The following CLN5 variants were observed in gnomAD, a reference collection of about 807,000 sequenced individuals.
CLN5 encodes the protein bis(monoacylglycero)phosphate synthase CLN5.
Under a neutral mutation model 36.7 loss-of-function variants are expected in CLN5, and 34 were observed. The observed-to-expected ratio is 0.93, with a 90% CI of 0.71 to 1.23. The LOEUF (loss-of-function observed/expected upper bound fraction) is 1.23. Among genes scored for constraint, CLN5 ranks in the 50% most tolerant of loss-of-function variants. The pLI, the probability that CLN5 is intolerant of heterozygous loss-of-function variation, is 0.00. For synonymous variants in CLN5, 151 were observed against 155.1 expected, an observed-to-expected ratio of 0.97 and a Z score of 0.20; for missense variants, 427 against 439.4, an observed-to-expected ratio of 0.97 and a Z score of 0.25.
chr13:77,000,780 ACC>A lies in CLN5; in HGVS notation c.889_890del (p.Pro297ThrfsTer5). The A allele has an allele frequency of 6.2e-7, 1 of 1,613,486 alleles. No homozygotes were observed. The highest frequency in any genetic ancestry group is 1.1e-5 in the South Asian group (1 of 90,834). Reference protein sequence around the residue: ...AIKRFYYPFKPHLPTKEFLLS... With the variant: ...AIKRFYYPFKXHLPTKEFLLS... Reference sequence around the variant, plus strand: ...TAAAAAGATTTTATTACCCCTTCAAACCACATTTGCCAACTAAAGAATTTCTG... The same window carrying A: ...TAAAAAGATTTTATTACCCCTTCAAAACATTTGCCAACTAAAGAATTTCTG... On this transcript the variant is annotated frameshift_variant, in exon 4 of 4. Coordinates refer to ENST00000377453, the MANE Select transcript of CLN5 (RefSeq NM_006493.4). LOFTEE classifies it high-confidence loss of function.
rs35210630 is a variant in CLN5 at position 76,992,484 on chromosome 13, G to A, written c.173+213G>A. The A allele has an allele frequency of 6.2e-3, 3,670 of 594,150 alleles. 67 individuals are homozygous for A. Among genetic ancestry groups the A allele is most frequent in the African/African-American group, 0.05 (2,572 of 51,162 alleles). The allele number at this position is 594,150 out of a possible 1,614,324, so 36.8% of individuals were successfully genotyped here. A position where few individuals can be genotyped will look rare whatever the true frequency, so the allele number is the denominator to read the frequency against. On this transcript the variant is annotated intron_variant, in intron 1 of 3. Coordinates refer to ENST00000377453, the MANE Select transcript of CLN5 (RefSeq NM_006493.4). ...GTTACGTGCAGCCCTGGGACCTTTC[G>A]TCCCCTCTGGTCACTTGCGGCAGAC... is the stretch of plus-strand genomic sequence containing the variant.
chr13:76,997,132 C>G (rs9530618), intron 3 of CLN5: 1,764 of 150,178 alleles, frequency 0.012, 17 homozygotes, highest in Admixed American at 0.025. Flanking sequence ...CCACCCCCAC[C>G]CCGCCTTTTT....
At position 77,002,684 on chromosome 13, in the gene CLN5, A is replaced by G. The variant is rs2034383692; in HGVS notation, c.*1715A>G. 6.6e-6 allele frequency: 1 copy of G among 152,060 alleles called. No individual in the cohort carries two copies. The highest frequency in any genetic ancestry group is 1.9e-4 in the East Asian group (1 of 5,198). 9.4% of individuals were successfully genotyped at this position (152,060 alleles called of 1,614,324 possible). On this transcript the variant is annotated 3_prime_UTR_variant, in exon 4 of 4. Coordinates refer to ENST00000377453, the MANE Select transcript of CLN5 (RefSeq NM_006493.4). ...GCCTCCTTTAGCCTGTCGACTCCTT[A>G]TAATAATGCCTAAATATTCCAAATT...
At chr13:76,995,644 A>C in intron 2 of CLN5, 2 of 551,138 alleles carry the variant, frequency 3.6e-6, no homozygotes, top group Non-Finnish European at 3.2e-6. Flanking sequence ...GCTCTAAGGA[A>C]ATTATCAGCT....
Position 76,992,117 on chromosome 13 carries a change from A to G in CLN5, c.19A>G (p.Thr7Ala), listed in dbSNP as rs541501705. 2.7e-5 allele frequency: 43 copies of G among 1,611,460 alleles called. No individual in the cohort carries two copies. In the African/African-American group the frequency reaches 4.9e-4, roughly 19 times the overall value. The change falls in exon 1 of 4, where the codon ACG (threonine) becomes GCG (alanine). Residue 7 changes from threonine (T) to alanine (A), a missense_variant. Transcript: ENST00000377453. MAQEVD[T>A]AQGAEMRRGA... The stretch of plus-strand genomic sequence containing the variant: ...CAGCCTGATGGCGCAGGAGGTAGAC[A>G]CGGCACAGGGCGCCGAGATGCGGCG...
chr13:76,998,859 G>A (rs970540814), intron 3 of CLN5: 3 of 152,136 alleles, frequency 2.0e-5, no homozygotes, highest in East Asian at 1.9e-4. Context: ...CATCATTAGC[G>A]GTTCTTTCTT....
chr13:77,004,600 C>T lies in CLN5; in HGVS notation c.*3631C>T, dbSNP rs2034419422. ...CTGCCTGGTAAAATTAAAACCAGCC[C>T]CACAAACTGGGGTTGGAGTCTGTGC... On this transcript the variant is annotated 3_prime_UTR_variant, in exon 4 of 4. Transcript: ENST00000377453. The T allele has an allele frequency of 3.3e-5, 5 of 152,064 alleles. No individual in the cohort carries two copies. In the South Asian group the frequency reaches 8.3e-4, roughly 25 times the overall value. The allele number at this position is 152,064 out of a possible 1,614,324, so 9.4% of individuals were successfully genotyped here.
Position 76,995,071 on chromosome 13 carries a change from A to G in CLN5, c.182A>G (p.Asp61Gly). 1.9e-6 allele frequency: 3 copies of G among 1,613,628 alleles called. No individual in the cohort carries two copies. The South Asian group carries it at 3.3e-5, about 18-fold the overall frequency. Residue 61 changes from aspartate to glycine, a missense_variant, in exon 2 of 4, where the codon GAC (aspartate) becomes GGC (glycine). Asp to Gly is a moderately conservative substitution (Grantham distance 94). Transcript: ENST00000377453. ...RHWPVPYKRF[D>G]FRPKPDPYCQ... ...TTCTTTTTCTTTATTAGGCGCTTTG[A>G]CTTCCGTCCAAAACCTGATCCTTAT...
chr13:77,001,240 T>C lies in CLN5; in HGVS notation c.*271T>C. On this transcript the variant is annotated 3_prime_UTR_variant, in exon 4 of 4. Coordinates refer to ENST00000377453, the MANE Select transcript of CLN5 (RefSeq NM_006493.4). ...ATGGAGAATTATGGTTCATATCAGTTATGTAGGACCTTTGGACCCAGGGTC... is the reference window on the plus strand; with the variant it reads ...ATGGAGAATTATGGTTCATATCAGTCATGTAGGACCTTTGGACCCAGGGTC... The C allele has an allele frequency of 3.3e-6, 1 of 305,832 alleles. No homozygotes were observed. Among genetic ancestry groups the C allele is most frequent in the Non-Finnish European group, 6.1e-6 (1 of 164,072 alleles). 18.9% of individuals were successfully genotyped at this position (305,832 alleles called of 1,614,324 possible). A position where few individuals can be genotyped will look rare whatever the true frequency, so the allele number is the denominator to read the frequency against.
chr13:76,995,860 T>C (rs2034256309), intron 2 of CLN5, 42 bp from the exon 3 acceptor site: 2 of 1,486,676 alleles, frequency 1.3e-6, no homozygotes, highest in African/African-American at 2.8e-5. Flanking sequence ...GGACCCATGG[T>C]TGTGTCACAG....
In CLN5 at chr13:77,004,793, A is replaced by G. The variant is rs2034422688; in HGVS notation, c.*3824A>G. 2 of 152,216 alleles carry G rather than the reference A, an allele frequency of 1.3e-5. No individual in the cohort carries two copies. Among genetic ancestry groups the G allele is most frequent in the African/African-American group, 2.4e-5 (1 of 41,454 alleles). 9.4% of individuals were successfully genotyped at this position (152,216 alleles called of 1,614,324 possible). The stretch of plus-strand genomic sequence containing the variant: ...ATGCACTAAATTGACTTAATCTTCA[A>G]TCATACCTATTTTTTCTGATATGGT... On this transcript the variant is annotated 3_prime_UTR_variant, in exon 4 of 4. Transcript: ENST00000377453.
chr13:76,992,699 C>G (rs777165757), intron 1 of CLN5: 43 of 212,350 alleles, frequency 2.0e-4, no homozygotes, highest in Non-Finnish European at 3.3e-4. Context: ...CCAACTCGCT[C>G]TGGTTTGAAC....
rs1322786530 is a variant in CLN5 at position 77,004,913 on chromosome 13, A to C, written c.*3944A>C. ...AAACTATTCTAATTTATATAAAGAC[A>C]TTTATCTCTAAAAAGACTGGTTGGG... On this transcript the variant is annotated 3_prime_UTR_variant, in exon 4 of 4. Coordinates refer to ENST00000377453, the MANE Select transcript of CLN5 (RefSeq NM_006493.4). The C allele has an allele frequency of 2.0e-5, 3 of 152,192 alleles. No individual in the cohort carries two copies. Among genetic ancestry groups the C allele is most frequent in the Non-Finnish European group, 4.4e-5 (3 of 68,024 alleles). The allele number at this position is 152,192 out of a possible 1,614,324, so 9.4% of individuals were successfully genotyped here. A position where few individuals can be genotyped will look rare whatever the true frequency, so the allele number is the denominator to read the frequency against.
rs996545127 is a variant in CLN5, at chr13:77,003,526, C to G, written c.*2557C>G. 2 of 152,206 alleles carry G rather than the reference C, an allele frequency of 1.3e-5. No homozygotes were observed. Among genetic ancestry groups the G allele is most frequent in the African/African-American group, 4.8e-5 (2 of 41,452 alleles). The allele number at this position is 152,206 out of a possible 1,614,324, so 9.4% of individuals were successfully genotyped here. The stretch of plus-strand genomic sequence containing the variant: ...GCTTTCAAAATAGTAGTTGAGAAAC[C>G]AAAACATAGCCACGCAGAAATCTGC... On this transcript the variant is annotated 3_prime_UTR_variant, in exon 4 of 4. Transcript: ENST00000377453.
intron 1 of CLN5, chr13:76,993,577 G>A (rs1011274192): frequency 2.0e-5 from 3 of 151,718 alleles, no homozygotes; most frequent in African/African-American, 2.4e-5. Flanking sequence ...TATTAAGTAC[G>A]TGCTCCCATC....
rs2034394329 is a variant in CLN5 at position 77,003,353 on chromosome 13, TTA to T, written c.*2385_*2386del. 1.3e-5 allele frequency: 2 copies of T among 152,106 alleles called. No individual in the cohort carries two copies. The highest frequency in any genetic ancestry group is 2.9e-5 in the Non-Finnish European group (2 of 68,022). 9.4% of individuals were successfully genotyped at this position (152,106 alleles called of 1,614,324 possible). ...AGATTTTTCATTGTTCCTAAGAATC[TTA>T]ATTAAATGAAGACAGAAAGCATCAT... On this transcript the variant is annotated 3_prime_UTR_variant, in exon 4 of 4. Transcript: ENST00000377453.
chr13:77,000,989 T>C lies in CLN5; in HGVS notation c.*20T>C. 1 of 1,595,284 alleles carries C rather than the reference T, an allele frequency of 6.3e-7. No homozygotes were observed. Among genetic ancestry groups the C allele is most frequent in the Non-Finnish European group, 8.5e-7 (1 of 1,171,880 alleles). ...TTATAAAACACCTTAATTCTACTGC[T>C]CTTTTTTCTCCAATCACCAGCATCT... On this transcript the variant is annotated 3_prime_UTR_variant, in exon 4 of 4. Transcript: ENST00000377453.
At position 77,001,158 on chromosome 13, in the gene CLN5, T is replaced by C. The variant is rs1157616020; in HGVS notation, c.*189T>C. 5 of 520,848 alleles carry C rather than the reference T, an allele frequency of 9.6e-6. No homozygotes were observed. Among genetic ancestry groups the C allele is most frequent in the African/African-American group, 5.8e-5 (3 of 51,950 alleles). The allele number at this position is 520,848 out of a possible 1,614,324, so 32.3% of individuals were successfully genotyped here. A position where few individuals can be genotyped will look rare whatever the true frequency, so the allele number is the denominator to read the frequency against. Reference sequence around the variant, plus strand: ...TAAAGAAGCTGAAATTCGTACTATATTGGCCAAAGTGAGCGAGTTAGGTGA... The same window carrying C: ...TAAAGAAGCTGAAATTCGTACTATACTGGCCAAAGTGAGCGAGTTAGGTGA... On this transcript the variant is annotated 3_prime_UTR_variant, in exon 4 of 4. Transcript: ENST00000377453.
At position 76,992,283 on chromosome 13, in the gene CLN5, GGC is replaced by G; in HGVS notation, c.173+19_173+20del. The G allele has an allele frequency of 6.4e-7, 1 of 1,551,354 alleles. No individual in the cohort carries two copies. Among genetic ancestry groups the G allele is most frequent in the Non-Finnish European group, 8.6e-7 (1 of 1,156,266 alleles). ...CCGGTGCCCTACAAGTGAGTGCGGC[GGC>G]GCGCGCACTGTCGGGGTTGGGGTCG... On this transcript the variant is annotated intron_variant, in intron 1 of 3. Transcript: ENST00000377453.
Sources: allele counts gnomAD v4.1 joint callset, GRCh38; gene constraint gnomAD v4.1.1; transcripts MANE v1.5; gene names NCBI Gene and HGNC (gene_info 2026-07-23, HGNC 2026-07-21).